Variants in ABCB4 observed in about 807,000 individuals in gnomAD.
The protein encoded by ABCB4 is phosphatidylcholine translocator ABCB4.
Under a neutral mutation model 145.7 loss-of-function variants are expected in ABCB4, and 76 were observed. The observed-to-expected ratio is 0.52, with a 90% CI of 0.43 to 0.63. ABCB4 has a LOEUF of 0.63. Ranked by LOEUF, ABCB4 falls within the 30% of genes least tolerant of loss-of-function variation. ABCB4 has a pLI of 0.00. For synonymous variants in ABCB4, 517 were observed against 566.8 expected, an observed-to-expected ratio of 0.91 and a Z score of 1.25; for missense variants, 1,234 against 1,553.1, an observed-to-expected ratio of 0.79 and a Z score of 3.45.
At chr7:87,391,663 C>T in the ABCB4 span, 2 of 1,611,520 alleles carry the variant, frequency 1.2e-6, no homozygotes, top group Non-Finnish European at 8.5e-7. Context: ...CGATCATGCA[C>T]AGTTGAAGCA....
chr7:87,445,092 T>C, intron 9 of ABCB4, 117 bp from the exon 10 acceptor site: 2 of 521,400 alleles, frequency 3.8e-6, no homozygotes, highest in Non-Finnish European at 6.4e-6. Context: ...TATCCTTTCC[T>C]TTTTTTTTTG....
At chr7:87,408,652 T>A (rs748493225) in intron 24 of ABCB4, among the ~76,000 whole-genome samples, 1 of 152,198 alleles carries the variant, frequency 6.6e-6, no homozygotes, top group Non-Finnish European at 1.5e-5. Context: ...ACTTTCTTTA[T>A]CTCACTCACT....
At chr7:87,438,208 A>C (rs539850272) in intron 14 of ABCB4, among the ~76,000 whole-genome samples, 1 of 152,312 alleles carries the variant, frequency 6.6e-6, no homozygotes, top group African/African-American at 2.4e-5. Flanking sequence ...TACTCTAAAA[A>C]GTCTATGCCA....
chr7:87,414,752 T>C (rs966738026), intron 21 of ABCB4, among the ~76,000 whole-genome samples: 6 of 152,174 alleles, frequency 3.9e-5, no homozygotes, highest in Non-Finnish European at 8.8e-5. Flanking sequence ...TGAATAACCA[T>C]AGATTTTTCA....
At chr7:87,387,521 C>G in the ABCB4 span, among the ~76,000 whole-genome samples, 1 of 151,838 alleles carries the variant, frequency 6.6e-6, no homozygotes, top group African/African-American at 2.4e-5. Flanking sequence ...CCCCAAGCCC[C>G]CAGTGCATTA....
At position 87,426,862 on chromosome 7, in the gene ABCB4, G is replaced by T. The variant is rs45476795; in HGVS notation, c.1952C>A (p.Thr651Asn). ...EFELNDEKAA[T>N]RMAPNGWKSR... ...TTTCCAGCCATTTGGGGCCATTCTA[G>T]TGGCAGCCTTTTCATCATTTAGTTC... Residue 651 changes from threonine to asparagine, a missense_variant, in exon 16 of 28, where the codon ACT becomes AAT. By Grantham distance (65) the Thr-to-Asn change is moderately conservative. Transcript: ENST00000649586. The T allele has an allele frequency of 2.4e-4, 382 of 1,613,926 alleles. 1 individual carries two copies. The East Asian group carries it at 7.4e-3, about 31-fold the overall frequency.
chr7:87,392,015 A>G, the ABCB4 span, among the ~76,000 whole-genome samples: 3 of 152,180 alleles, frequency 2.0e-5, no homozygotes, highest in African/African-American at 7.2e-5. Context: ...AGAAATCCCA[A>G]GGTGCCTTTA....
intron 15 of ABCB4, 103 bp from the exon 16 acceptor site, chr7:87,427,023 T>G: frequency 9.5e-7 from 1 of 1,047,428 alleles, no homozygotes; most frequent in Non-Finnish European, 1.4e-6. Context: ...CATAAAGCAA[T>G]TTGGAATATT....
rs755012183 is a variant in ABCB4 at position 87,447,201 on chromosome 7, G to T, written c.838C>A (p.Gln280Lys). Residue 280 changes from glutamine to lysine, a missense_variant, in exon 9 of 28, where the codon CAG (glutamine) becomes AAG (lysine). Physicochemically the swap from Gln to Lys is moderately conservative, Grantham distance 53. Around this residue, in one of 7 missense-constraint regions of ABCB4, gnomAD observed 467 missense variants for 632.8 expected, o/e 0.74. Transcript: ENST00000649586. ...TCTTTGGCATTTTCTAAATGTTTCT[G>T]ATACCTACCAGAAAAATGAGAGGGA... ...GGQNKELERY[Q>K]KHLENAKEIG... 1 of 1,613,060 alleles carries T rather than the reference G, an allele frequency of 6.2e-7. No individual in the cohort carries two copies. The highest frequency in any genetic ancestry group is 1.3e-5 in the African/African-American group (1 of 74,992).
At chr7:87,395,718 T>C in the ABCB4 span, among the ~76,000 whole-genome samples, 1 of 152,168 alleles carries the variant, frequency 6.6e-6, no homozygotes, top group African/African-American at 2.4e-5. Flanking sequence ...TTAAAGTTGT[T>C]TTGATTTTGG....
chr7:87,382,098 C>T, the ABCB4 span: 1 of 1,612,962 alleles, frequency 6.2e-7, no homozygotes, highest in Non-Finnish European at 8.5e-7. Flanking sequence ...ACGAGATATA[C>T]CACTTCCAGA....
At chr7:87,469,124 ACATT>A (rs1813170627) in intron 3 of ABCB4, among the ~76,000 whole-genome samples, 1 of 152,168 alleles carries the variant, frequency 6.6e-6, no homozygotes, top group Non-Finnish European at 1.5e-5. Flanking sequence ...GAAAAAAACC[ACATT>A]ATTATCTCAA....
intron 13 of ABCB4, 26 bp from the exon 14 acceptor site, chr7:87,439,863 C>T (rs753687691): frequency 1.2e-6 from 2 of 1,614,062 alleles, no homozygotes; most frequent in Middle Eastern, 1.7e-4. Context: ...TGGATCAGCT[C>T]TTGAAGTAAC....
chr7:87,463,765 T>TACAGAGG (rs1451336564), intron 3 of ABCB4, among the ~76,000 whole-genome samples: 2 of 152,152 alleles, frequency 1.3e-5, no homozygotes, highest in Non-Finnish European at 2.9e-5. Flanking sequence ...CAGTACTACC[T>TACAGAGG]ACAGAGGGGA....
At chr7:87,407,925 T>C (rs908348723) in intron 25 of ABCB4, 112 bp downstream of exon 25, 1 of 1,375,870 alleles carries the variant, frequency 7.3e-7, no homozygotes, top group Non-Finnish European at 1.0e-6. Context: ...ATGTGGTCAT[T>C]GTATCAAACA....
intron 2 of ABCB4, among the ~76,000 whole-genome samples, chr7:87,473,232 G>A (rs1813559433): frequency 6.6e-6 from 1 of 152,172 alleles, no homozygotes; most frequent in African/African-American, 2.4e-5. Flanking sequence ...CTACTTCTTT[G>A]CTCAAAAACC....
At chr7:87,465,017 G>C (rs10452937) in intron 3 of ABCB4, among the ~76,000 whole-genome samples, 1 of 152,136 alleles carries the variant, frequency 6.6e-6, no homozygotes, top group East Asian at 1.9e-4. Flanking sequence ...GCGGCTTGTC[G>C]GACAGTGGGT....
Position 87,451,726 on chromosome 7 carries a change from A to G in ABCB4, c.605T>C (p.Phe202Ser). 2.5e-6 allele frequency: 4 copies of G among 1,614,190 alleles called. No homozygotes were observed. The highest frequency in any genetic ancestry group is 3.4e-6 in the Non-Finnish European group (4 of 1,180,034). ...GAATCCCACTATGAATCCTGCAAAA[A>G]ACGTGGCTACTGCTTGAAAGAACAT... ...VGMFFQAVAT[F>S]FAGFIVGFIR... Residue 202 changes from phenylalanine to serine, a missense_variant, in exon 7 of 28, where the codon TTT becomes TCT. Transcript: ENST00000649586.
At chr7:87,446,937 G>A (rs1456116246) in intron 9 of ABCB4, 97 bp downstream of exon 9, 2 of 1,186,870 alleles carry the variant, frequency 1.7e-6, no homozygotes, top group East Asian at 2.4e-5. Flanking sequence ...CTATAATCAT[G>A]TTCATCTTTC....
Sources: allele counts gnomAD v4.1 joint callset (sites outside exome capture counted in the v4.1 genomes callset), GRCh38; gene constraint gnomAD v4.1.1; regional missense constraint gnomAD v4.1.1; transcripts MANE v1.5; gene names NCBI Gene and HGNC (gene_info 2026-07-23, HGNC 2026-07-21).